MARK4: variants seen among roughly 807,000 people sequenced by gnomAD.
MARK4 encodes the protein microtubule affinity regulating kinase 4.
MARK4 carries 19 observed loss-of-function variants against 81.5 expected under a neutral mutation model. That is an observed-to-expected ratio of 0.23 (90% confidence interval 0.16 to 0.34). MARK4 has a LOEUF of 0.34. Ranked by LOEUF, MARK4 falls within the 10% of genes least tolerant of loss-of-function variation. The pLI is 1.00. For missense variants in MARK4, 772 were observed against 1,058.8 expected (o/e 0.73, Z 3.76); for synonymous variants, 436 against 439.0 (o/e 0.99, Z 0.08).
chr19:45,266,155 T>C, intron 6 of MARK4, 70 bp from the exon 7 acceptor site: 1 of 1,511,852 alleles, frequency 6.6e-7, no homozygotes, highest in Non-Finnish European at 9.2e-7. Context: ...TGTGAGTGGT[T>C]TCACAGTCCA....
At chr19:45,298,022 C>G in intron 15 of MARK4, 68 bp downstream of exon 15, 1 of 1,549,514 alleles carries the variant, frequency 6.5e-7, no homozygotes, top group Non-Finnish European at 8.8e-7. Flanking sequence ...CTGTCTTCCA[C>G]TCTGCTCTGT....
rs1970989156 is a variant in MARK4 at position 45,302,459 on chromosome 19, C to G, written c.2008C>G (p.Pro670Ala). 1.2e-6 allele frequency: 2 copies of G among 1,613,278 alleles called. No individual in the cohort carries two copies. Among genetic ancestry groups the G allele is most frequent in the Non-Finnish European group, 1.7e-6 (2 of 1,179,890 alleles). Reference sequence around the variant, plus strand: ...TGTGAAGCTGACCAGCTCGCGCCCTCCTGAGGCCCTGATGGCAGCTCTGCG... The same window carrying G: ...TGTGAAGCTGACCAGCTCGCGCCCTGCTGAGGCCCTGATGGCAGCTCTGCG... ...WSVKLTSSRP[P>A]EALMAALRQA... Residue 670 changes from proline (P) to alanine (A), a missense_variant, in exon 17 of 17, where the codon CCT becomes GCT. Physicochemically the swap from Pro to Ala is conservative, Grantham distance 27. Transcript: ENST00000262891. This position sits in a 1 kb window ranked among gnomAD's most constrained non-coding sequence, Gnocchi z 4.9.
At chr19:45,285,562 C>G (rs1433916026) in intron 12 of MARK4, among the ~76,000 whole-genome samples, 1 of 151,814 alleles carries the variant, frequency 6.6e-6, no homozygotes, top group Non-Finnish European at 1.5e-5. Flanking sequence ...CAAACCATTC[C>G]CTGCCCCTGC....
At chr19:45,274,067 C>G (rs1040608576) in intron 8 of MARK4, among the ~76,000 whole-genome samples, 1 of 151,524 alleles carries the variant, frequency 6.6e-6, no homozygotes, top group East Asian at 2.0e-4. Context: ...GGCTAACACA[C>G]TGAAACCCCG....
At chr19:45,287,879 T>C (rs1970767384) in intron 13 of MARK4, 1 of 628,014 alleles carries the variant, frequency 1.6e-6, no homozygotes, top group South Asian at 1.8e-5. Flanking sequence ...TAGTGTTCTG[T>C]GTCAAAGAAG....
At chr19:45,266,113 A>T in intron 6 of MARK4, 112 bp from the exon 7 acceptor site, 1 of 1,058,800 alleles carries the variant, frequency 9.4e-7, no homozygotes, top group Non-Finnish European at 1.5e-6. Flanking sequence ...CCCAGATCTC[A>T]GGCTGTGCCT....
chr19:45,276,622 ATTT>A (rs764253527), intron 8 of MARK4, among the ~76,000 whole-genome samples: 1 of 123,612 alleles, frequency 8.1e-6, no homozygotes. Flanking sequence ...CATTTTACAG[ATTT>A]TTTTTTTTTT....
intron 4 of MARK4, among the ~76,000 whole-genome samples, chr19:45,263,729 G>T (rs931250163): frequency 1.4e-5 from 2 of 147,650 alleles, no homozygotes; most frequent in African/African-American, 2.5e-5. Flanking sequence ...GCAATAAAGC[G>T]AGACTTCATC....
chr19:45,257,627 C>T (rs1014420932), intron 1 of MARK4, among the ~76,000 whole-genome samples: 7 of 151,920 alleles, frequency 4.6e-5, no homozygotes, highest in Non-Finnish European at 1.0e-4. Context: ...AGGTGATCCA[C>T]CTGCCTTGGC....
rs369919934 is a variant in MARK4 at position 45,280,630 on chromosome 19, G to A, written c.1172G>A (p.Ser391Asn). The change falls in exon 12 of 17, where the codon AGC (serine) becomes AAC (asparagine). Residue 391 changes from serine to asparagine, a missense_variant. Ser to Asn is a conservative substitution (Grantham distance 46, BLOSUM62 1). Around this residue, in one of 3 missense-constraint regions of MARK4, gnomAD observed 548 missense variants for 624.3 expected, o/e 0.88. Coordinates refer to ENST00000262891, the MANE Select transcript of MARK4 (RefSeq NM_001199867.2). The part of the protein sequence containing the change: ...GLALARVRAP[S>N]DTTNGTSSSK... ...GCCCTGGCACGGGTGCGGGCGCCCA[G>A]CGACACCACCAACGGAACAAGTTCC... 11 of 1,614,124 alleles carry A rather than the reference G, an allele frequency of 6.8e-6. No individual in the cohort carries two copies. The African/African-American group carries it at 1.5e-4, about 22-fold the overall frequency.
chr19:45,290,819 A>G (rs887516201), intron 13 of MARK4, among the ~76,000 whole-genome samples: 1 of 152,294 alleles, frequency 6.6e-6, no homozygotes, highest in Middle Eastern at 3.4e-3. Flanking sequence ...GTCCAGGTTC[A>G]GGGCCCTGGA....
chr19:45,281,679 AC>A (rs1462894826), intron 12 of MARK4, among the ~76,000 whole-genome samples: 1 of 152,046 alleles, frequency 6.6e-6, no homozygotes, highest in Non-Finnish European at 1.5e-5. Context: ...TACCTTAGAG[AC>A]CAGTCCAAAT....
chr19:45,251,546 C>A lies in MARK4; in HGVS notation c.-43C>A. ...AAGAGAGGGGACCCTGGGACCCCCGCCCCCCCCACCCGGCCGCCCCTGCCC... is the reference window on the plus strand; with the variant it reads ...AAGAGAGGGGACCCTGGGACCCCCGACCCCCCCACCCGGCCGCCCCTGCCC... On this transcript the variant is annotated 5_prime_UTR_variant, in exon 1 of 17. Transcript: ENST00000262891. The A allele has an allele frequency of 2.8e-6, 1 of 363,382 alleles. No homozygotes were observed. The highest frequency in any genetic ancestry group is 5.1e-6 in the Non-Finnish European group (1 of 196,088). 22.5% of individuals were successfully genotyped at this position (363,382 alleles called of 1,614,324 possible). A position where few individuals can be genotyped will look rare whatever the true frequency, so the allele number is the denominator to read the frequency against.
chr19:45,297,728 C>T lies in MARK4; in HGVS notation c.1651C>T (p.Pro551Ser), dbSNP rs778304169. ...PASPSSHSLAPPSGERSRLAR... is the reference protein window; with the variant it reads ...PASPSSHSLASPSGERSRLAR... ...CTCCCCCTCCAGTCACAGCCTGGCA[C>T]CCCCATCAGGGGAGCGGAGCCGCCT... The change falls in exon 15 of 17, where the codon CCC becomes TCC. Residue 551 changes from proline (P) to serine (S), a missense_variant. By Grantham distance (74) the Pro-to-Ser change is moderately conservative. Coordinates refer to ENST00000262891, the MANE Select transcript of MARK4 (RefSeq NM_001199867.2). The T allele has an allele frequency of 4.3e-5, 67 of 1,563,190 alleles. No homozygotes were observed. The highest frequency in any genetic ancestry group is 6.7e-5 in the East Asian group (3 of 44,550).
At chr19:45,288,924 C>T (rs890732824) in intron 13 of MARK4, among the ~76,000 whole-genome samples, 3 of 151,040 alleles carry the variant, frequency 2.0e-5, no homozygotes, top group South Asian at 2.1e-4. Flanking sequence ...CATCTACATT[C>T]GGTCCCACTC....
intron 8 of MARK4, among the ~76,000 whole-genome samples, chr19:45,276,711 C>T (rs369125287): frequency 1.1e-4 from 17 of 151,162 alleles, no homozygotes; most frequent in African/African-American, 3.6e-4. Flanking sequence ...CTGCAACCTC[C>T]GCCTCCTGGG....
At chr19:45,270,346 T>C (rs950719472) in intron 7 of MARK4, among the ~76,000 whole-genome samples, 20 of 152,184 alleles carry the variant, frequency 1.3e-4, no homozygotes, top group African/African-American at 4.6e-4. Flanking sequence ...GTCTGTCGTT[T>C]CACCTTCACG....
intron 12 of MARK4, among the ~76,000 whole-genome samples, chr19:45,286,537 C>G (rs1005535636): frequency 6.6e-6 from 1 of 151,294 alleles, no homozygotes; most frequent in African/African-American, 2.4e-5. Context: ...TGGCGAAATC[C>G]TGTCTCTACA....
intron 9 of MARK4, 114 bp from the exon 10 acceptor site, chr19:45,278,402 A>G (rs924735304): frequency 1.2e-4 from 109 of 933,274 alleles, no homozygotes; most frequent in Non-Finnish European, 1.8e-4. Context: ...ATCTCTTAGG[A>G]AGCCCGCAAT....
Sources: allele counts gnomAD v4.1 joint callset (sites outside exome capture counted in the v4.1 genomes callset), GRCh38; gene constraint gnomAD v4.1.1; regional missense constraint gnomAD v4.1.1; non-coding constraint Gnocchi (gnomAD v3.1); transcripts MANE v1.5; gene names NCBI Gene and HGNC (gene_info 2026-07-23, HGNC 2026-07-21).